Variants in GSK3B observed in about 807,000 individuals in gnomAD.
GSK3B encodes the protein glycogen synthase kinase 3 beta, also known as glycogen synthase kinase-3 beta.
In GSK3B, 15 loss-of-function variants were observed where a neutral mutation model predicts 56.4. The observed-to-expected ratio is 0.27, with a 90% CI of 0.18 to 0.41. GSK3B has a LOEUF of 0.41. Ranked by LOEUF, GSK3B falls within the 10% of genes least tolerant of loss-of-function variation. GSK3B has a pLI of 1.00. For missense variants in GSK3B, 300 were observed against 513.4 expected, an observed-to-expected ratio of 0.58 and a Z score of 4.02; for synonymous variants, 181 against 188.9, an observed-to-expected ratio of 0.96 and a Z score of 0.34.
At chr3:120,085,429 T>C (rs1206771770) in intron 1 of GSK3B, among the ~76,000 whole-genome samples, 2 of 152,190 alleles carry the variant, frequency 1.3e-5, no homozygotes, top group Non-Finnish European at 2.9e-5. Context: ...CCTCCAACTC[T>C]TCAGGTGCTC....
At chr3:120,070,129 C>T (rs1168569823) in intron 1 of GSK3B, among the ~76,000 whole-genome samples, 1 of 151,970 alleles carries the variant, frequency 6.6e-6, no homozygotes, top group Non-Finnish European at 1.5e-5. Context: ...AGAAGAATCA[C>T]TTGAACCCAG....
chr3:119,936,657 G>GT (rs2056997985), intron 3 of GSK3B, among the ~76,000 whole-genome samples: 1 of 151,558 alleles, frequency 6.6e-6, no homozygotes, highest in South Asian at 2.1e-4. Flanking sequence ...CTTGGGTATC[G>GT]TATGTTGATT....
intron 9 of GSK3B, among the ~76,000 whole-genome samples, chr3:119,862,381 G>A (rs1195817315): frequency 2.5e-4 from 26 of 105,106 alleles, no homozygotes; most frequent in East Asian, 3.2e-4. Context: ...TGGTGGGGTC[G>A]GGGGAGGGGG....
chr3:119,950,234 C>T (rs935125749), intron 2 of GSK3B, among the ~76,000 whole-genome samples: 8 of 152,110 alleles, frequency 5.3e-5, no homozygotes, highest in African/African-American at 9.7e-5. Flanking sequence ...AGTATAAGGA[C>T]CTAAATATTC....
At chr3:119,893,738 C>T (rs1268817592) in intron 7 of GSK3B, among the ~76,000 whole-genome samples, 3 of 152,176 alleles carry the variant, frequency 2.0e-5, no homozygotes, top group East Asian at 1.9e-4. Flanking sequence ...AGGGGGCAAT[C>T]GGGGTGGATG....
At chr3:119,885,016 T>C (rs1194031891) in intron 7 of GSK3B, among the ~76,000 whole-genome samples, 1 of 151,910 alleles carries the variant, frequency 6.6e-6, no homozygotes, top group African/African-American at 2.4e-5. Context: ...AAAAAATAAA[T>C]GGCATCCAAA....
At chr3:119,881,658 C>T (rs2056380495) in intron 7 of GSK3B, among the ~76,000 whole-genome samples, 1 of 152,144 alleles carries the variant, frequency 6.6e-6, no homozygotes, top group Admixed American at 6.5e-5. Flanking sequence ...ATCACATGGA[C>T]TTCTCTTCTT....
intron 1 of GSK3B, 85 bp downstream of exon 1, chr3:120,093,262 C>T: frequency 2.2e-6 from 2 of 898,042 alleles, no homozygotes; most frequent in South Asian, 2.7e-5. Context: ...ATCAGGAGGT[C>T]TAATAATTTC....
At position 119,823,373 on chromosome 3, in the gene GSK3B, G is replaced by A; in HGVS notation, c.*3415C>T. ...AACAACAGTCCTCTATTGGCACGGT[G>A]GCACTCCGTGCAGTAACTGCTAGTA... is the stretch of plus-strand genomic sequence containing the variant. On this transcript the variant is annotated 3_prime_UTR_variant, in exon 11 of 11. Coordinates refer to ENST00000264235, the MANE Select transcript of GSK3B (RefSeq NM_001146156.2). The A allele has an allele frequency of 4.9e-6, 1 of 202,586 alleles. No homozygotes were observed. Among genetic ancestry groups the A allele is most frequent in the Non-Finnish European group, 1.0e-5 (1 of 98,630 alleles). 12.5% of individuals were successfully genotyped at this position (202,586 alleles called of 1,614,324 possible). A position where few individuals can be genotyped will look rare whatever the true frequency, so the allele number is the denominator to read the frequency against.
intron 1 of GSK3B, among the ~76,000 whole-genome samples, chr3:120,043,375 T>C (rs2107533985): frequency 6.6e-6 from 1 of 152,356 alleles, no homozygotes; most frequent in Non-Finnish European, 1.5e-5. Context: ...CTCATTCTAT[T>C]GATGACCACC....
At chr3:120,072,653 T>C (rs1347679225) in intron 1 of GSK3B, among the ~76,000 whole-genome samples, 2 of 152,198 alleles carry the variant, frequency 1.3e-5, no homozygotes, top group Non-Finnish European at 2.9e-5. Flanking sequence ...GACAATCAAC[T>C]ATGTATTACA....
At chr3:120,018,316 G>A (rs1341192645) in intron 1 of GSK3B, among the ~76,000 whole-genome samples, 1 of 152,206 alleles carries the variant, frequency 6.6e-6, no homozygotes, top group Non-Finnish European at 1.5e-5. Flanking sequence ...TTCACAGGGT[G>A]TAAAACCCAC....
chr3:119,914,156 C>G (rs1011848853), intron 5 of GSK3B, among the ~76,000 whole-genome samples: 9 of 151,874 alleles, frequency 5.9e-5, no homozygotes, highest in Admixed American at 3.9e-4. Flanking sequence ...GCTTTTTGTT[C>G]CTAAATAGCC....
At chr3:119,876,560 G>C (rs752570079) in intron 7 of GSK3B, 52 bp from the exon 8 acceptor site, 1 of 1,006,668 alleles carries the variant, frequency 9.9e-7, no homozygotes, top group Non-Finnish European at 1.6e-6. Flanking sequence ...TACAAATTTA[G>C]TCTCCATGTT....
intron 6 of GSK3B, among the ~76,000 whole-genome samples, chr3:119,912,405 G>T (rs1442391274): frequency 6.6e-6 from 1 of 151,602 alleles, no homozygotes; most frequent in Non-Finnish European, 1.5e-5. Context: ...GTGACACAAA[G>T]ACATGATGAC....
intron 2 of GSK3B, among the ~76,000 whole-genome samples, chr3:119,985,125 C>T (rs527618866): frequency 7.9e-5 from 12 of 152,198 alleles, no homozygotes; most frequent in East Asian, 3.9e-4. Context: ...AAAAGGCCTT[C>T]GACAAAATTC....
At chr3:119,889,525 C>T (rs956024968) in intron 7 of GSK3B, among the ~76,000 whole-genome samples, 15 of 151,886 alleles carry the variant, frequency 9.9e-5, no homozygotes, top group Non-Finnish European at 1.6e-4. Context: ...TATTTTAAAT[C>T]CTAGACCAAC....
chr3:120,001,536 C>A (rs1445424554), intron 2 of GSK3B, among the ~76,000 whole-genome samples: 1 of 152,176 alleles, frequency 6.6e-6, no homozygotes, highest in Non-Finnish European at 1.5e-5. Context: ...ACTTCCTGTA[C>A]AGTTTGCAGA....
chr3:119,951,569 C>CA (rs1452134334), intron 2 of GSK3B, among the ~76,000 whole-genome samples: 1 of 151,876 alleles, frequency 6.6e-6, no homozygotes, highest in East Asian at 1.9e-4. Context: ...GAATCTGTCT[C>CA]AAAAAAATTC....
Sources: allele counts gnomAD v4.1 joint callset (sites outside exome capture counted in the v4.1 genomes callset), GRCh38; gene constraint gnomAD v4.1.1; transcripts MANE v1.5; gene names NCBI Gene and HGNC (gene_info 2026-07-23, HGNC 2026-07-21).